Variants in VCP observed in about 807,000 individuals in gnomAD.
VCP encodes the protein transitional endoplasmic reticulum ATPase.
Under a neutral mutation model 85.7 loss-of-function variants are expected in VCP, and 6 were observed. That is an observed-to-expected ratio of 0.07 (90% confidence interval 0.04 to 0.14). VCP has a LOEUF of 0.14. Ranked by LOEUF, VCP falls within the 10% of genes least tolerant of loss-of-function variation. VCP has a pLI of 1.00. For synonymous variants in VCP, 384 were observed against 367.1 expected (o/e 1.05, Z -0.53); for missense variants, 353 against 1,043.4 (o/e 0.34, Z 9.12).
intron 1 of VCP, chr9:35,071,825 G>A (rs929971824): frequency 2.0e-6 from 2 of 988,668 alleles, no homozygotes; most frequent in Non-Finnish European, 2.4e-6. Context: ...GGCCTTCCCC[G>A]ACCCCGGGCT....
In VCP at chr9:35,071,588, A is replaced by G. The variant is rs576848304; in HGVS notation, c.17+749T>C. Among the ~76,000 whole-genome samples the G allele has an allele frequency of 2.0e-5, 3 of 152,362 alleles. No homozygotes were observed. In the South Asian group the frequency reaches 6.2e-4, roughly 32 times the overall value. ...ACTTTAGCAAGAACCTAAAATGTTA[A>G]AGAAAAATTCCTTTCTCCCCACCCA... On this transcript the variant is annotated intron_variant, in intron 1 of 16. Coordinates refer to ENST00000358901, the MANE Select transcript of VCP (RefSeq NM_007126.5).
rs111903589 is a variant in VCP at position 35,057,142 on chromosome 9, T to C, written c.2396A>G (p.Asp799Gly). Residue 799 changes from aspartate (D) to glycine (G), a missense_variant, in exon 17 of 17, where the codon GAC (aspartate) becomes GGC (glycine). Physicochemically the swap from Asp to Gly is moderately conservative, Grantham distance 94 (BLOSUM62 -1). Around this residue, in one of 8 missense-constraint regions of VCP, gnomAD observed 93 missense variants for 197.1 expected, o/e 0.47. Coordinates refer to ENST00000358901, the MANE Select transcript of VCP (RefSeq NM_007126.5). The stretch of plus-strand genomic sequence containing the variant: ...TTAGCCATACAGGTCATCATCATTG[T>C]CTTCTGTGTATACACTGCCACCTGT... ...GGTGGSVYTE[D>G]NDDDLYG 6.2e-7 allele frequency: 1 copy of C among 1,614,152 alleles called. No homozygotes were observed. The highest frequency in any genetic ancestry group is 8.5e-7 in the Non-Finnish European group (1 of 1,180,020).
chr9:35,056,807 G>C lies in VCP; in HGVS notation c.*310C>G. 1.0e-5 allele frequency: 4 copies of C among 389,076 alleles called. No homozygotes were observed. The highest frequency in any genetic ancestry group is 8.6e-5 in the South Asian group (4 of 46,448). 24.1% of individuals were successfully genotyped at this position (389,076 alleles called of 1,614,324 possible). ...CTGTGGCAGGTGGCAGTAGTGCCTT[G>C]GTTCACACCCCACACAGGTCCCCTG... On this transcript the variant is annotated 3_prime_UTR_variant, in exon 17 of 17. Coordinates refer to ENST00000358901, the MANE Select transcript of VCP (RefSeq NM_007126.5).
chr9:35,063,155 A>G (rs1388139106), intron 6 of VCP, 75 bp from the exon 7 acceptor site: 7 of 1,331,114 alleles, frequency 5.3e-6, no homozygotes, highest in Non-Finnish European at 7.6e-6. Context: ...AGCGCTCCAG[A>G]GAGGGTGAGA....
chr9:35,057,803 G>C, intron 15 of VCP: 1 of 514,080 alleles, frequency 1.9e-6, no homozygotes, highest in South Asian at 2.1e-5. Context: ...GAAACTTTTT[G>C]AGATAGTAGA....
intron 15 of VCP, chr9:35,057,879 T>C (rs1828641950): frequency 7.8e-6 from 3 of 383,262 alleles, no homozygotes; most frequent in Admixed American, 3.9e-5. Flanking sequence ...AGCATGGAAA[T>C]GGTATATAGA....
At chr9:35,063,525 C>T (rs760767588) in intron 6 of VCP, among the ~76,000 whole-genome samples, 8 of 152,218 alleles carry the variant, frequency 5.3e-5, no homozygotes, top group Non-Finnish European at 8.8e-5. Context: ...CACTGGAATG[C>T]TGTTCCTTAC....
intron 2 of VCP, 78 bp downstream of exon 2, chr9:35,068,172 AG>A: frequency 6.2e-7 from 1 of 1,606,124 alleles, no homozygotes; most frequent in African/African-American, 1.3e-5. Flanking sequence ...AGTCACTGCA[AG>A]AAAAATGAGA....
rs756067398 is a variant in VCP at position 35,067,844 on chromosome 9, C to CT, written c.302+46dup. The CT allele has an allele frequency of 1.1e-5, 18 of 1,613,030 alleles. 1 individual carries two copies. In the South Asian group the frequency reaches 2.0e-4, roughly 18 times the overall value. ...ACATGGGTCCTGCCTGTAATGCAGG[C>CT]TATCTCTGGCCTCCCATCCCTGTGA... is the stretch of plus-strand genomic sequence containing the variant. On this transcript the variant is annotated intron_variant, in intron 3 of 16. Coordinates refer to ENST00000358901, the MANE Select transcript of VCP (RefSeq NM_007126.5).
chr9:35,058,846 G>A (rs1828664710), intron 15 of VCP, among the ~76,000 whole-genome samples: 1 of 152,176 alleles, frequency 6.6e-6, no homozygotes, highest in Non-Finnish European at 1.5e-5. Context: ...CCCTCATGGA[G>A]CTTGGTTCAG....
At chr9:35,066,172 T>C (rs918734696) in intron 4 of VCP, among the ~76,000 whole-genome samples, 21 of 151,348 alleles carry the variant, frequency 1.4e-4, no homozygotes, top group African/African-American at 5.1e-4. Context: ...GGCTCATGCC[T>C]GTAATCCCAG....
Position 35,061,661 on chromosome 9 carries a change from T to C in VCP, c.1110A>G (p.Gly370=). ...FGRFDREVDI[G]IPDATGRLEI... ...CTAAGCGTCCTGTAGCATCAGGAAT[T>C]CCAATATCTACCTCCCTGTCAAAGC... Residue 370 remains glycine (G), a synonymous_variant, in exon 10 of 17, where the codon GGA becomes GGG. Transcript: ENST00000358901. 1 of 1,614,082 alleles carries C rather than the reference T, an allele frequency of 6.2e-7. No individual in the cohort carries two copies. Among genetic ancestry groups the C allele is most frequent in the South Asian group, 1.1e-5 (1 of 91,082 alleles).
intron 6 of VCP, among the ~76,000 whole-genome samples, chr9:35,063,533 T>TA (rs910876701): frequency 6.6e-6 from 1 of 152,214 alleles, no homozygotes; most frequent in Non-Finnish European, 1.5e-5. Context: ...TGCTGTTCCT[T>TA]ACAATCATCA....
intron 4 of VCP, among the ~76,000 whole-genome samples, chr9:35,066,353 T>C (rs1304173842): frequency 6.7e-5 from 10 of 149,384 alleles, no homozygotes; most frequent in African/African-American, 2.5e-4. Flanking sequence ...CCTCCACCTC[T>C]TGGGTTCAAG....
At chr9:35,072,172 G>A (rs1486850400) in intron 1 of VCP, 165 bp downstream of exon 1, 7 of 1,410,716 alleles carry the variant, frequency 5.0e-6, no homozygotes, top group African/African-American at 3.0e-5. Context: ...GGCCCCAGCC[G>A]GGCCTGCCGG....
chr9:35,059,524 T>G lies in VCP; in HGVS notation c.1973A>C (p.Lys658Thr), dbSNP rs1284380722. The G allele has an allele frequency of 6.2e-7, 1 of 1,614,012 alleles. No individual in the cohort carries two copies. Among genetic ancestry groups the G allele is most frequent in the Non-Finnish European group, 8.5e-7 (1 of 1,180,032 alleles). ...AACTGGGGACTTGCGCAGGTTAGCC[T>G]TGAGGATGGCAACACGGGACTTCTC... ...PDEKSRVAIL[K>T]ANLRKSPVAK... is the part of the protein sequence containing the mutation. Residue 658 changes from lysine (K) to threonine (T), a missense_variant, in exon 14 of 17, where the codon AAG (lysine) becomes ACG (threonine). Lys to Thr is a moderately conservative substitution (Grantham distance 78, BLOSUM62 -1). Coordinates refer to ENST00000358901, the MANE Select transcript of VCP (RefSeq NM_007126.5). This position sits in a 1 kb window ranked among gnomAD's most constrained non-coding sequence, Gnocchi z 4.9.
intron 1 of VCP, 141 bp from the exon 2 acceptor site, chr9:35,068,503 G>C: frequency 1.3e-6 from 1 of 787,182 alleles, no homozygotes; most frequent in South Asian, 1.4e-5. Context: ...AGGCAGCCAA[G>C]GTCACGAGGA....
chr9:35,071,292 T>TG (rs1828937079), intron 1 of VCP, among the ~76,000 whole-genome samples: 1 of 96,908 alleles, frequency 1.0e-5, no homozygotes, highest in Non-Finnish European at 2.1e-5. Flanking sequence ...GGGCTGGCTG[T>TG]GTTTTTTTTT....
intron 5 of VCP, 142 bp downstream of exon 5, chr9:35,065,109 C>T: frequency 5.7e-6 from 7 of 1,231,844 alleles, no homozygotes; most frequent in Non-Finnish European, 7.0e-6. Context: ...CTCAAGTGAT[C>T]TGCCCATCTC....
Sources: allele counts gnomAD v4.1 joint callset (sites outside exome capture counted in the v4.1 genomes callset), GRCh38; gene constraint gnomAD v4.1.1; regional missense constraint gnomAD v4.1.1; non-coding constraint Gnocchi (gnomAD v3.1); transcripts MANE v1.5; gene names NCBI Gene and HGNC (gene_info 2026-07-23, HGNC 2026-07-21).